PRKCE: variants seen among roughly 807,000 people sequenced by gnomAD.
PRKCE encodes the protein protein kinase C epsilon, also known as protein kinase C epsilon type.
In PRKCE, 16 loss-of-function variants were observed where a neutral mutation model predicts 85.4. The ratio of observed to expected loss-of-function variants is 0.19; its 90% CI spans 0.13 to 0.28. The LOEUF (loss-of-function observed/expected upper bound fraction) is 0.28. Ranked by LOEUF, PRKCE falls within the 10% of genes least tolerant of loss-of-function variation. PRKCE has a pLI of 1.00. For synonymous variants in PRKCE, 388 were observed against 371.5 expected (o/e 1.04, Z -0.51); for missense variants, 573 against 975.2 (o/e 0.59, Z 5.49).
At chr2:46,039,831 G>A (rs1040265092) in intron 10 of PRKCE, among the ~76,000 whole-genome samples, 7 of 152,156 alleles carry the variant, frequency 4.6e-5, no homozygotes, top group African/African-American at 1.7e-4. Flanking sequence ...ATTCTCCACT[G>A]ATCCAGGAGG....
rs1027463625 is a variant in PRKCE, at chr2:46,007,719, G to A, written c.1263+58G>A. On this transcript the variant is annotated intron_variant, in intron 9 of 14. Coordinates refer to ENST00000306156, the MANE Select transcript of PRKCE (RefSeq NM_005400.3). ...TTGTTCTACTCCTTAGCATTGTTTC[G>A]TCTGTTTGATCTAAGATTGAGAGAG... The A allele has an allele frequency of 1.1e-4, 163 of 1,532,510 alleles. 1 individual carries two copies. Among genetic ancestry groups the A allele is most frequent in the East Asian group, 2.3e-4 (10 of 43,716 alleles). 94.9% of individuals were successfully genotyped at this position (1,532,510 alleles called of 1,614,324 possible).
chr2:45,874,724 A>G (rs1694342182), intron 2 of PRKCE, among the ~76,000 whole-genome samples: 1 of 152,170 alleles, frequency 6.6e-6, no homozygotes, highest in African/African-American at 2.4e-5. Context: ...CTGGTGGCTT[A>G]GGAGTCCAAC....
intron 2 of PRKCE, among the ~76,000 whole-genome samples, chr2:45,904,233 C>G (rs1211782256): frequency 7.9e-5 from 12 of 152,082 alleles, no homozygotes; most frequent in African/African-American, 1.2e-4. Flanking sequence ...TTTTTAGATT[C>G]TCTTAAAAAT....
At chr2:45,971,056 A>G (rs1267076556) in intron 2 of PRKCE, among the ~76,000 whole-genome samples, 1 of 152,110 alleles carries the variant, frequency 6.6e-6, no homozygotes, top group African/African-American at 2.4e-5. Flanking sequence ...CTTTCAGCAA[A>G]TTAAGTATAC....
At chr2:45,927,781 G>A (rs1266755845) in intron 2 of PRKCE, among the ~76,000 whole-genome samples, 1 of 152,162 alleles carries the variant, frequency 6.6e-6, no homozygotes, top group African/African-American at 2.4e-5. Flanking sequence ...AGCAGCTGAT[G>A]TGTGCTGAGA....
chr2:45,905,979 G>T lies in PRKCE; in HGVS notation c.412+62916G>T, dbSNP rs1380870061. On this transcript the variant is annotated intron_variant, in intron 2 of 14. Coordinates refer to ENST00000306156, the MANE Select transcript of PRKCE (RefSeq NM_005400.3). This position sits in a 1 kb window ranked among gnomAD's most constrained non-coding sequence, Gnocchi z 4.4. ...GGCAGGCTATCTTCAGCGGTGATGC[G>T]CTTTCAACCCTCCTCCCCTACCCAC... Among the ~76,000 whole-genome samples, 1 of 152,204 alleles carries T rather than the reference G, an allele frequency of 6.6e-6. No individual in the cohort carries two copies. Among genetic ancestry groups the T allele is most frequent in the African/African-American group, 2.4e-5 (1 of 41,448 alleles).
intron 2 of PRKCE, among the ~76,000 whole-genome samples, chr2:45,891,835 C>T (rs1315287812): frequency 6.6e-6 from 1 of 152,238 alleles, no homozygotes; most frequent in Admixed American, 6.5e-5. Context: ...ATTCCCATAG[C>T]AACCACGCTA....
Position 45,978,987 on chromosome 2 carries a change from G to C in PRKCE, c.584G>C (p.Gly195Ala), listed in dbSNP as rs1276454009. Reference sequence around the variant, plus strand: ...ATTCTTCTTTTCAGGGGTGTCATAGGAAAGCAGGGATACCAGTGTCAAGGT... The same window carrying C: ...ATTCTTCTTTTCAGGGGTGTCATAGCAAAGCAGGGATACCAGTGTCAAGGT... ...HCRDFIWGVI[G>A]KQGYQCQVCT... The change falls in exon 4 of 15, where the codon GGA (glycine) becomes GCA (alanine). Residue 195 changes from glycine (G) to alanine (A), a missense_variant. Transcript: ENST00000306156. The C allele has an allele frequency of 6.3e-7, 1 of 1,599,326 alleles. No homozygotes were observed. The highest frequency in any genetic ancestry group is 8.5e-7 in the Non-Finnish European group (1 of 1,179,672).
At chr2:45,824,390 C>A (rs12328510) in intron 1 of PRKCE, among the ~76,000 whole-genome samples, 1 of 152,076 alleles carries the variant, frequency 6.6e-6, no homozygotes, top group Non-Finnish European at 1.5e-5. Context: ...CCTGCTATAT[C>A]CACACAGGAG....
intron 6 of PRKCE, among the ~76,000 whole-genome samples, chr2:45,995,946 C>G (rs1226441921): frequency 6.6e-6 from 1 of 152,214 alleles, no homozygotes; most frequent in Admixed American, 6.5e-5. Context: ...ATATATAGAT[C>G]GAGTTTGGAA....
chr2:45,730,866 C>T (rs1464789691), intron 1 of PRKCE, among the ~76,000 whole-genome samples: 2 of 152,064 alleles, frequency 1.3e-5, no homozygotes, highest in East Asian at 3.8e-4. Context: ...TGTGTCTGCC[C>T]GACAGATCAT....
intron 6 of PRKCE, among the ~76,000 whole-genome samples, chr2:45,987,333 A>G (rs1220396411): frequency 6.6e-6 from 1 of 152,192 alleles, no homozygotes; most frequent in Non-Finnish European, 1.5e-5. Flanking sequence ...CATGAGGGCT[A>G]GAAGACGAAG....
intron 2 of PRKCE, among the ~76,000 whole-genome samples, chr2:45,868,218 T>C (rs952863926): frequency 5.8e-5 from 8 of 138,620 alleles, no homozygotes; most frequent in Non-Finnish European, 9.4e-5. Flanking sequence ...ACGGAGCTTT[T>C]TTTTTTTTTT....
intron 1 of PRKCE, among the ~76,000 whole-genome samples, chr2:45,731,846 G>A (rs1681606327): frequency 6.6e-6 from 1 of 151,916 alleles, no homozygotes; most frequent in Non-Finnish European, 1.5e-5. Flanking sequence ...TTGAACTCCT[G>A]GGCTCAAGGT....
intron 1 of PRKCE, among the ~76,000 whole-genome samples, chr2:45,702,884 C>A (rs986810438): frequency 2.0e-5 from 3 of 152,172 alleles, no homozygotes; most frequent in African/African-American, 7.2e-5. Flanking sequence ...TCTGCTAGAA[C>A]TGAAGTTTGA....
chr2:45,656,769 A>C (rs1302039478), intron 1 of PRKCE, among the ~76,000 whole-genome samples: 1 of 152,244 alleles, frequency 6.6e-6, no homozygotes, highest in Non-Finnish European at 1.5e-5. Context: ...TTCTGACCAG[A>C]CCAGGCTTGC....
chr2:45,955,204 T>G (rs763180110), intron 2 of PRKCE, among the ~76,000 whole-genome samples: 1 of 152,204 alleles, frequency 6.6e-6, no homozygotes, highest in Non-Finnish European at 1.5e-5. Flanking sequence ...ACTGCCCTGA[T>G]ATCGAAAGGT....
chr2:45,978,722 G>T, intron 3 of PRKCE: 13 of 419,198 alleles, frequency 3.1e-5, no homozygotes, highest in Middle Eastern at 6.6e-4. Flanking sequence ...ACACAGGAAT[G>T]GCTCTCTGTA....
chr2:46,048,420 C>T (rs1708656168), intron 10 of PRKCE, among the ~76,000 whole-genome samples: 1 of 152,158 alleles, frequency 6.6e-6, no homozygotes, highest in Non-Finnish European at 1.5e-5. Context: ...TTCCCATGTC[C>T]AGAGATTCTT....
Sources: gnomAD v4.1 joint callset for allele counts (sites outside exome capture counted in the v4.1 genomes callset) on GRCh38, gnomAD v4.1.1 for gene constraint, Gnocchi (gnomAD v3.1) non-coding constraint, MANE v1.5 for transcripts, NCBI Gene and HGNC (gene_info 2026-07-23, HGNC 2026-07-21) for gene names.